The following CFAP70 variants were observed in gnomAD, a reference collection of about 807,000 sequenced individuals.
The protein encoded by CFAP70 is cilia and flagella associated protein 70.
CFAP70 carries 81 observed loss-of-function variants against 137.6 expected under a neutral mutation model. That is an observed-to-expected ratio of 0.59 (90% CI 0.49 to 0.71). CFAP70 has a LOEUF of 0.71. Among genes scored for constraint, CFAP70 ranks in the 30% least tolerant of loss-of-function variants. The pLI, the probability that CFAP70 is intolerant of heterozygous loss-of-function variation, is 0.00. For missense variants in CFAP70, 976 were observed against 1,226.7 expected (o/e 0.80, Z 3.05); for synonymous variants, 382 against 423.6 (o/e 0.90, Z 1.20).
Position 73,349,056 on chromosome 10 carries a change from C to T in CFAP70, c.251-535G>A, listed in dbSNP as rs941643948. 3.4e-5 allele frequency among the ~76,000 whole-genome samples: 5 copies of T among 145,300 alleles called. No individual in the cohort carries two copies. In the East Asian group the frequency reaches 6.4e-4, roughly 19 times the overall value. ...AGCCTGGGCAACAAGAGGGAAACTC[C>T]GTCTCAAAAAAAAAAAAAAAAGTAA... is the stretch of plus-strand genomic sequence containing the variant. On this transcript the variant is annotated intron_variant, in intron 3 of 26. Coordinates refer to ENST00000310715, the Ensembl canonical transcript of CFAP70.
rs2051615467 is a variant in CFAP70, at chr10:73,327,732, T to G, written c.777+3445A>C. 2.0e-5 allele frequency among the ~76,000 whole-genome samples: 3 copies of G among 152,144 alleles called. No individual in the cohort carries two copies. In the South Asian group the frequency reaches 6.2e-4, roughly 32 times the overall value. On this transcript the variant is annotated intron_variant, in intron 8 of 26. Coordinates refer to ENST00000310715, the Ensembl canonical transcript of CFAP70. ...CAGCCAAATCATGAGTGAATTCCCA[T>G]TCACAATTGCTTCAAAGAGAATAAA...
intron 8 of CFAP70, among the ~76,000 whole-genome samples, chr10:73,326,552 G>T (rs1327110357): frequency 6.7e-6 from 1 of 149,504 alleles, no homozygotes; most frequent in East Asian, 2.0e-4. Context: ...CCAGGAGCTG[G>T]TTTTTTGAAA....
exon 4 of CFAP70, chr10:73,348,445 C>T (rs762733830): frequency 1.3e-6 from 2 of 1,573,260 alleles, no homozygotes; most frequent in South Asian, 1.2e-5. Flanking sequence ...GAAGAAGGTC[C>T]ACCACAGCCT....
At chr10:73,265,322 A>G (rs2045656574) in intron 25 of CFAP70, among the ~76,000 whole-genome samples, 1 of 137,518 alleles carries the variant, frequency 7.3e-6, no homozygotes, top group Non-Finnish European at 1.5e-5. Flanking sequence ...CTCCATCTCA[A>G]AAAAAAAAAA....
At position 73,311,824 on chromosome 10, in the gene CFAP70, G is replaced by A. The variant is rs760777635; in HGVS notation, c.1164+10C>T. 35 of 1,602,880 alleles carry A rather than the reference G, an allele frequency of 2.2e-5. No homozygotes were observed. Among genetic ancestry groups the A allele is most frequent in the Non-Finnish European group, 2.9e-5 (34 of 1,171,076 alleles). ...TTAAACTTAATTTTCCAAACTTCAT[G>A]CACAATTACCTGTCCTTCAGGATTG... On this transcript the variant is annotated intron_variant, in intron 11 of 26. Coordinates refer to ENST00000310715, the Ensembl canonical transcript of CFAP70.
chr10:73,254,658 G>C (rs2044291852), intron 26 of CFAP70, among the ~76,000 whole-genome samples: 1 of 152,224 alleles, frequency 6.6e-6, no homozygotes, highest in Non-Finnish European at 1.5e-5. Flanking sequence ...TCATTGGGTA[G>C]GACACCTGGA....
chr10:73,351,109 A>ATG (rs1311864835), intron 3 of CFAP70, among the ~76,000 whole-genome samples: 3 of 92,858 alleles, frequency 3.2e-5, no homozygotes, highest in African/African-American at 5.9e-5. Flanking sequence ...ATATATATAT[A>ATG]TATGTATGTT....
intron 4 of CFAP70, among the ~76,000 whole-genome samples, chr10:73,347,623 AG>A (rs2053824777): frequency 1.3e-5 from 2 of 152,184 alleles, no homozygotes; most frequent in South Asian, 4.1e-4. Context: ...AATAGGTTTC[AG>A]GGAAGATACT....
intron 3 of CFAP70, among the ~76,000 whole-genome samples, chr10:73,351,077 A>ATG (rs2054213829): frequency 1.7e-5 from 1 of 57,616 alleles, no homozygotes; most frequent in Non-Finnish European, 2.7e-5. Flanking sequence ...GTGTGTATAT[A>ATG]TATATATATA....
chr10:73,278,393 G>A (rs2131780633), intron 19 of CFAP70, 56 bp from the exon 21 acceptor site: 1 of 1,441,554 alleles, frequency 6.9e-7, no homozygotes, highest in Non-Finnish European at 9.5e-7. Context: ...GTGTTTAAAG[G>A]TTATTGTAAG....
chr10:73,334,704 C>T (rs1227968649), intron 7 of CFAP70, among the ~76,000 whole-genome samples: 2 of 151,552 alleles, frequency 1.3e-5, no homozygotes, highest in Admixed American at 1.3e-4. Flanking sequence ...CTCAGCCTCT[C>T]GAGTAGCTGG....
upstream of CFAP70, among the ~76,000 whole-genome samples, chr10:73,360,869 T>G (rs1417078157): frequency 6.6e-6 from 1 of 152,236 alleles, no homozygotes; most frequent in Non-Finnish European, 1.5e-5. Context: ...GCTCATGATC[T>G]TGGTCTACTT....
intron 9 of CFAP70, among the ~76,000 whole-genome samples, chr10:73,319,079 A>G (rs957803332): frequency 2.0e-5 from 3 of 152,264 alleles, no homozygotes; most frequent in Non-Finnish European, 4.4e-5. Context: ...AGAAATAAAT[A>G]AGTAACTTAA....
intron 3 of CFAP70, among the ~76,000 whole-genome samples, chr10:73,350,983 G>GTA (rs1272977646): frequency 1.5e-4 from 22 of 146,662 alleles, no homozygotes; most frequent in African/African-American, 5.1e-4. Context: ...ATGTGTGTGT[G>GTA]TATATATATG....
chr10:73,288,980 T>C (rs1480253230), intron 19 of CFAP70, among the ~76,000 whole-genome samples: 1 of 152,226 alleles, frequency 6.6e-6, no homozygotes, highest in African/African-American at 2.4e-5. Flanking sequence ...CATAATGAAA[T>C]GGCCAATGTA....
At chr10:73,354,859 G>C in intron 1 of CFAP70, 24 bp from the exon 2 acceptor site, 7 of 1,384,496 alleles carry the variant, frequency 5.1e-6, no homozygotes, top group Non-Finnish European at 7.2e-6. Flanking sequence ...GAATCAACCT[G>C]TCCCCTCATG....
rs1158297164 is a variant in CFAP70 at position 73,299,076 on chromosome 10, A to G, written c.1343T>C (p.Ile448Thr). The change falls in exon 14 of 27, where the codon ATC (isoleucine) becomes ACC (threonine). Residue 448 changes from isoleucine (I) to threonine (T), a missense_variant. Transcript: ENST00000310715. Reference sequence around the variant, plus strand: ...TAGAATGGCTCTAGAAATATTCTTGATCTGTATGTGGTAGTCACTCACTGC... The same window carrying G: ...TAGAATGGCTCTAGAAATATTCTTGGTCTGTATGTGGTAGTCACTCACTGC... The G allele has an allele frequency of 1.9e-6, 3 of 1,613,646 alleles. No individual in the cohort carries two copies. In the African/African-American group the frequency reaches 4.0e-5, roughly 22 times the overall value.
At chr10:73,272,882 G>A (rs778210415) in intron 24 of CFAP70, 46 bp downstream of exon 25, 1 of 1,496,156 alleles carries the variant, frequency 6.7e-7, no homozygotes, top group Non-Finnish European at 9.1e-7. Flanking sequence ...AAGGAATCAA[G>A]GTCAGCTGTA....
chr10:73,299,084 G>A (rs201084442), exon 14 of CFAP70: 42 of 1,611,844 alleles, frequency 2.6e-5, no homozygotes, highest in Non-Finnish European at 3.5e-5. Context: ...TGATCTGTAT[G>A]TGGTAGTCAC....
Sources: gnomAD v4.1 joint callset for allele counts (sites outside exome capture counted in the v4.1 genomes callset) on GRCh38, gnomAD v4.1.1 for gene constraint, MANE v1.5 for transcripts, NCBI Gene and HGNC (gene_info 2026-07-23, HGNC 2026-07-21) for gene names.